Variants in CELF4 observed in about 807,000 individuals in gnomAD.
CELF4 encodes CUGBP Elav-like family member 4, also known as CUG-BP- and ETR-3-like factor 4.
Under a neutral mutation model 59.9 loss-of-function variants are expected in CELF4, and 18 were observed. The observed-to-expected ratio is 0.30, with a 90% CI of 0.21 to 0.45. The LOEUF (loss-of-function observed/expected upper bound fraction) is 0.45. Ranked by LOEUF, CELF4 falls within the 20% of genes least tolerant of loss-of-function variation. The pLI is 1.00. For missense variants in CELF4, 456 were observed against 689.0 expected (o/e 0.66, Z 3.79); for synonymous variants, 261 against 267.1 (o/e 0.98, Z 0.22).
At chr18:37,505,081 G>T (rs1018555737) in intron 1 of CELF4, among the ~76,000 whole-genome samples, 1 of 151,784 alleles carries the variant, frequency 6.6e-6, no homozygotes, top group African/African-American at 2.4e-5. Context: ...GGGGTTCTCT[G>T]GTTAGGAGAA....
chr18:37,461,446 A>G (rs1432736346), intron 2 of CELF4, among the ~76,000 whole-genome samples: 14 of 152,174 alleles, frequency 9.2e-5, no homozygotes, highest in Admixed American at 9.2e-4. Context: ...CCCCTTATAA[A>G]ACCATCAGAT....
intron 1 of CELF4, among the ~76,000 whole-genome samples, chr18:37,526,742 G>C (rs1458277036): frequency 1.3e-5 from 2 of 152,176 alleles, no homozygotes; most frequent in Non-Finnish European, 2.9e-5. Flanking sequence ...GGAAGAAAGG[G>C]GTCCCTGCAC....
intron 2 of CELF4, among the ~76,000 whole-genome samples, chr18:37,470,887 T>TGTGAGAGAGAGAGAGA (rs1325788685): frequency 9.7e-5 from 7 of 71,968 alleles, no homozygotes; most frequent in African/African-American, 3.2e-4. Context: ...TGTGTGTGTG[T>TGTGAGAGAGAGAGAGA]GACAGAGAGA....
intron 2 of CELF4, among the ~76,000 whole-genome samples, chr18:37,408,497 G>GGCGGA (rs1569568993): frequency 2.5e-5 from 2 of 80,456 alleles, no homozygotes; most frequent in Non-Finnish European, 5.7e-5. Context: ...GGTGCCGGGG[G>GGCGGA]GGGGCGCGGT....
At chr18:37,416,712 G>A (rs1275143211) in intron 2 of CELF4, among the ~76,000 whole-genome samples, 3 of 152,214 alleles carry the variant, frequency 2.0e-5, no homozygotes, top group African/African-American at 7.2e-5. Flanking sequence ...CAGGAAGCTA[G>A]GGGATGGGAG....
At chr18:37,500,537 CTTTT>C (rs10714673) in intron 1 of CELF4, among the ~76,000 whole-genome samples, 4 of 98,936 alleles carry the variant, frequency 4.0e-5, no homozygotes, top group Non-Finnish European at 8.6e-5. Flanking sequence ...TTTTCTTTTT[CTTTT>C]TTTTTTTTTT....
intron 2 of CELF4, among the ~76,000 whole-genome samples, chr18:37,334,462 C>G (rs942888080): frequency 2.0e-5 from 3 of 152,054 alleles, no homozygotes; most frequent in African/African-American, 7.2e-5. Flanking sequence ...CTGGCCCTTC[C>G]CAGCCCACAG....
chr18:37,310,446 C>G (rs1271662145), intron 3 of CELF4, among the ~76,000 whole-genome samples: 1 of 152,234 alleles, frequency 6.6e-6, no homozygotes, highest in African/African-American at 2.4e-5. Flanking sequence ...TTCTGGAAAT[C>G]ATTGCTCCCC....
intron 1 of CELF4, among the ~76,000 whole-genome samples, chr18:37,509,718 C>G (rs189062656): frequency 3.3e-5 from 5 of 152,316 alleles, no homozygotes; most frequent in Admixed American, 2.6e-4. Flanking sequence ...CATGCATGTT[C>G]TCAGCAACAG....
chr18:37,266,367 C>CCATTA, intron 9 of CELF4, 166 bp downstream of exon 9: 1 of 741,704 alleles, frequency 1.3e-6, no homozygotes, highest in Non-Finnish European at 2.2e-6. Flanking sequence ...GGCCCGCTGA[C>CCATTA]AAGAAGGCAG....
At chr18:37,454,742 G>T (rs1349337724) in intron 2 of CELF4, among the ~76,000 whole-genome samples, 2 of 152,110 alleles carry the variant, frequency 1.3e-5, no homozygotes, top group Admixed American at 6.5e-5. Flanking sequence ...TCCACTGGCG[G>T]TTGTTAACAC....
At chr18:37,562,896 A>G (rs1435412981) in intron 1 of CELF4, among the ~76,000 whole-genome samples, 1 of 152,044 alleles carries the variant, frequency 6.6e-6, no homozygotes, top group African/African-American at 2.4e-5. Context: ...ACTGGGAAAA[A>G]TATATGCTCA....
intron 1 of CELF4, among the ~76,000 whole-genome samples, chr18:37,502,292 C>A (rs1371073130): frequency 3.3e-5 from 5 of 152,034 alleles, no homozygotes; most frequent in African/African-American, 1.2e-4. Flanking sequence ...TCCATCCAGG[C>A]GGCTCTCCAA....
intron 10 of CELF4, among the ~76,000 whole-genome samples, chr18:37,261,086 C>T (rs906944927): frequency 1.3e-5 from 2 of 152,160 alleles, no homozygotes; most frequent in African/African-American, 4.8e-5. Context: ...TCTGAAAGAA[C>T]CTCCAGCCTC....
intron 1 of CELF4, among the ~76,000 whole-genome samples, chr18:37,543,278 A>G (rs2099979027): frequency 6.6e-6 from 1 of 152,156 alleles, no homozygotes; most frequent in South Asian, 2.1e-4. Context: ...TGACTTACTC[A>G]AAGGAGTTCC....
chr18:37,368,693 C>T (rs2098819835), intron 2 of CELF4, among the ~76,000 whole-genome samples: 2 of 152,206 alleles, frequency 1.3e-5, no homozygotes, highest in East Asian at 1.9e-4. Flanking sequence ...GTCACCTCAG[C>T]GTGCAAGGAG....
At chr18:37,394,740 C>T (rs2099219881) in intron 2 of CELF4, among the ~76,000 whole-genome samples, 1 of 152,154 alleles carries the variant, frequency 6.6e-6, no homozygotes, top group African/African-American at 2.4e-5. Context: ...GGAGGCCTGC[C>T]ACACCCAGCA....
At chr18:37,511,117 G>A (rs1363050220) in intron 1 of CELF4, among the ~76,000 whole-genome samples, 1 of 152,172 alleles carries the variant, frequency 6.6e-6, no homozygotes, top group African/African-American at 2.4e-5. Context: ...TAAAGGGGAG[G>A]ATGGTCTCTT....
intron 3 of CELF4, 119 bp from the exon 4 acceptor site, chr18:37,275,362 T>C: frequency 2.9e-6 from 1 of 342,858 alleles, no homozygotes; most frequent in Non-Finnish European, 3.8e-6. Context: ...GGGCGGGGGC[T>C]CGGAGCCGGC....
Sources: allele counts gnomAD v4.1 joint callset (sites outside exome capture counted in the v4.1 genomes callset), GRCh38; gene constraint gnomAD v4.1.1; transcripts MANE v1.5; gene names NCBI Gene and HGNC (gene_info 2026-07-23, HGNC 2026-07-21).